Variants in GPC5 observed in about 807,000 individuals in gnomAD.
The protein encoded by GPC5 is glypican 5, also known as glypican-5.
Under a neutral mutation model 53.9 loss-of-function variants are expected in GPC5, and 47 were observed. The observed-to-expected ratio is 0.87, with a 90% CI of 0.69 to 1.11. The LOEUF (loss-of-function observed/expected upper bound fraction) is 1.11, where lower values mean the gene tolerates loss of function less well. GPC5 is among the 50% of genes most tolerant of loss of function. The pLI is 0.00. For missense variants in GPC5, 748 were observed against 713.1 expected (o/e 1.05, Z -0.56); for synonymous variants, 286 against 263.3 (o/e 1.09, Z -0.84).
chr13:91,855,951 G>T (rs571372594), intron 5 of GPC5, among the ~76,000 whole-genome samples: 29 of 151,608 alleles, frequency 1.9e-4, no homozygotes, highest in African/African-American at 7.0e-4. Flanking sequence ...CCCCTAGAAA[G>T]TTCCCTTTGT....
intron 7 of GPC5, among the ~76,000 whole-genome samples, chr13:92,546,405 C>T (rs1456270198): frequency 1.3e-5 from 2 of 152,090 alleles, no homozygotes; most frequent in Non-Finnish European, 2.9e-5. Flanking sequence ...CATGAGTGAA[C>T]TCCCATTCAC....
At chr13:91,735,369 ACACT>A (rs2036792268) in intron 4 of GPC5, among the ~76,000 whole-genome samples, 1 of 151,070 alleles carries the variant, frequency 6.6e-6, no homozygotes, top group East Asian at 1.9e-4. Flanking sequence ...CTTTCACCTC[ACACT>A]CATTCTAAGT....
intron 2 of GPC5, among the ~76,000 whole-genome samples, chr13:91,574,959 C>T (rs1372680915): frequency 6.6e-6 from 1 of 152,106 alleles, no homozygotes; most frequent in African/African-American, 2.4e-5. Flanking sequence ...AGAATAAAAA[C>T]TCTGGGCATG....
chr13:92,457,322 T>A (rs1206590530), intron 7 of GPC5, among the ~76,000 whole-genome samples: 1 of 152,134 alleles, frequency 6.6e-6, no homozygotes, highest in Non-Finnish European at 1.5e-5. Flanking sequence ...TGCATGTTGG[T>A]CTGGATAATT....
In GPC5 at chr13:91,728,567, C is replaced by T; in HGVS notation, c.1056C>T (p.Pro352=). 6.2e-7 allele frequency: 1 copy of T among 1,612,434 alleles called. No individual in the cohort carries two copies. Among genetic ancestry groups the T allele is most frequent in the Non-Finnish European group, 8.5e-7 (1 of 1,178,920 alleles). Residue 352 remains proline (P), a synonymous_variant, in exon 4 of 8, where the codon CCC becomes CCT. Coordinates refer to ENST00000377067, the MANE Select transcript of GPC5 (RefSeq NM_004466.6). Reference sequence around the variant, plus strand: ...TTTGTGGCCGCCCTGTAAGAACACCCACACAAAGCCCCCGTTGTTCTTTTG... The same window carrying T: ...TTTGTGGCCGCCCTGTAAGAACACCTACACAAAGCCCCCGTTGTTCTTTTG... ...NRICGRPVRT[P]TQSPRCSFDQ...
intron 7 of GPC5, among the ~76,000 whole-genome samples, chr13:92,462,718 CTT>C (rs35798030): frequency 3.7e-5 from 5 of 136,958 alleles, no homozygotes; most frequent in Admixed American, 7.3e-5. Flanking sequence ...TTGTTCATGT[CTT>C]TTTTTTTTTT....
intron 3 of GPC5, among the ~76,000 whole-genome samples, chr13:91,718,019 C>T (rs964340964): frequency 1.2e-4 from 19 of 152,290 alleles, no homozygotes; most frequent in Admixed American, 2.0e-4. Context: ...AGGATTCTTA[C>T]ACCCACTGAT....
intron 6 of GPC5, among the ~76,000 whole-genome samples, chr13:91,947,227 C>T (rs1034084086): frequency 2.0e-5 from 3 of 152,088 alleles, no homozygotes; most frequent in Non-Finnish European, 4.4e-5. Flanking sequence ...CTTATTCATA[C>T]TGAGGATTCA....
At chr13:91,467,400 G>C (rs549872355) in intron 2 of GPC5, among the ~76,000 whole-genome samples, 6 of 152,268 alleles carry the variant, frequency 3.9e-5, no homozygotes, top group Non-Finnish European at 8.8e-5. Context: ...AGTTAGCTTG[G>C]AGACATGCAA....
At chr13:92,172,436 A>T (rs1328553618) in intron 7 of GPC5, among the ~76,000 whole-genome samples, 1 of 152,228 alleles carries the variant, frequency 6.6e-6, no homozygotes, top group African/African-American at 2.4e-5. Context: ...AATGAAACAT[A>T]ACCTTTTATA....
intron 7 of GPC5, among the ~76,000 whole-genome samples, chr13:92,759,677 T>G (rs1188259920): frequency 6.6e-6 from 1 of 152,122 alleles, no homozygotes; most frequent in Non-Finnish European, 1.5e-5. Context: ...ACTTTTATTT[T>G]TCCTTTCTGA....
chr13:91,501,770 A>G (rs1179196883), intron 2 of GPC5, among the ~76,000 whole-genome samples: 3 of 152,200 alleles, frequency 2.0e-5, no homozygotes, highest in Non-Finnish European at 4.4e-5. Context: ...CAGTAATGGG[A>G]TGCCTGGGTC....
chr13:92,800,869 G>A (rs867388620), intron 7 of GPC5, among the ~76,000 whole-genome samples: 8 of 151,512 alleles, frequency 5.3e-5, no homozygotes, highest in East Asian at 1.9e-4. Flanking sequence ...AAATAATATC[G>A]TTACTATCCT....
chr13:91,773,333 G>T (rs990839752), intron 5 of GPC5, among the ~76,000 whole-genome samples: 1 of 152,026 alleles, frequency 6.6e-6, no homozygotes, highest in East Asian at 1.9e-4. Context: ...ACAATATAGA[G>T]AGTTTTGCAT....
Position 91,907,973 on chromosome 13 carries a change from C to T in GPC5, c.1317C>T (p.Ala439=), listed in dbSNP as rs754517667. ...GTGTGGTTGGAAATGGAATCAAAGC[C>T]CAGTCTGGAAATCCTGAAGTCAAAG... is the stretch of plus-strand genomic sequence containing the variant. ...TQRVVGNGIK[A]QSGNPEVKVK... is the part of the protein sequence containing the mutation. The change falls in exon 6 of 8, where the codon GCC becomes GCT. Residue 439 remains alanine (A), a synonymous_variant. Coordinates refer to ENST00000377067, the MANE Select transcript of GPC5 (RefSeq NM_004466.6). 6.3e-7 allele frequency: 1 copy of T among 1,594,994 alleles called. No individual in the cohort carries two copies. The highest frequency in any genetic ancestry group is 1.3e-5 in the African/African-American group (1 of 74,774).
In GPC5 at chr13:92,830,062, C is replaced by T. The variant is rs143266953; in HGVS notation, c.1562-36220C>T. On this transcript the variant is annotated intron_variant, in intron 7 of 7. Transcript: ENST00000377067. ...CAAGTCAAGAAAATTCAAACTGAGA[C>T]TTTCATGACCTCATAACTACCAGAG... is the stretch of plus-strand genomic sequence containing the variant. Among the ~76,000 whole-genome samples, 701 of 152,208 alleles carry T rather than the reference C, an allele frequency of 4.6e-3. 1 individual carries two copies. Among genetic ancestry groups the T allele is most frequent in the Admixed American group, 9.7e-3 (148 of 15,274 alleles).
intron 6 of GPC5, among the ~76,000 whole-genome samples, chr13:92,142,332 C>T (rs1331002): frequency 0.57 from 87,009 of 152,016 alleles, 25,247 homozygotes; most frequent in Non-Finnish European, 0.61. Context: ...TTGGTAGGCA[C>T]GACTGACATC....
At chr13:92,790,330 A>AAGAG (rs1876416837) in intron 7 of GPC5, among the ~76,000 whole-genome samples, 1 of 152,168 alleles carries the variant, frequency 6.6e-6, no homozygotes, top group African/African-American at 2.4e-5. Flanking sequence ...GAGTCAAAAG[A>AAGAG]AGAGATAATT....
chr13:91,941,707 G>A (rs1221038403), intron 6 of GPC5, among the ~76,000 whole-genome samples: 2 of 152,028 alleles, frequency 1.3e-5, no homozygotes, highest in Non-Finnish European at 2.9e-5. Flanking sequence ...GCTCAAAGTG[G>A]GCACTTCATG....
Sources: allele counts gnomAD v4.1 joint callset (sites outside exome capture counted in the v4.1 genomes callset), GRCh38; gene constraint gnomAD v4.1.1; transcripts MANE v1.5; gene names NCBI Gene and HGNC (gene_info 2026-07-23, HGNC 2026-07-21).